The following ZMYND11 variants were observed in gnomAD, a reference collection of about 807,000 sequenced individuals.
ZMYND11 encodes the protein zinc finger MYND domain-containing protein 11.
Under a neutral mutation model 84.9 loss-of-function variants are expected in ZMYND11, and 9 were observed. The observed-to-expected ratio is 0.11, with a 90% CI of 0.06 to 0.18. The LOEUF is 0.18. ZMYND11 is among the 10% of genes least tolerant of loss of function. The probability of loss-of-function intolerance (pLI) is 1.00; values close to 1 mark genes in which losing one functional copy is unlikely to be tolerated. For missense variants in ZMYND11, 409 were observed against 761.0 expected (o/e 0.54, Z 5.44); for synonymous variants, 250 against 244.1 (o/e 1.02, Z -0.23).
chr10:175,632 G>T (rs1180055712), intron 1 of ZMYND11, among the ~76,000 whole-genome samples: 1 of 152,142 alleles, frequency 6.6e-6, no homozygotes, highest in East Asian at 1.9e-4. Context: ...TGATTTGAGT[G>T]TAGAAGGACT....
chr10:164,016 A>G (rs1404186423), intron 1 of ZMYND11, among the ~76,000 whole-genome samples: 1 of 152,160 alleles, frequency 6.6e-6, no homozygotes, highest in African/African-American at 2.4e-5. Flanking sequence ...TGGAAAGGGA[A>G]TGCCAACTAT....
At chr10:246,287 A>G (rs903565743) in intron 10 of ZMYND11, among the ~76,000 whole-genome samples, 12 of 152,210 alleles carry the variant, frequency 7.9e-5, no homozygotes, top group Non-Finnish European at 1.6e-4. Context: ...TTATATGAAT[A>G]TATGTATGTA....
At chr10:234,016 A>C (rs1257123726) in intron 4 of ZMYND11, among the ~76,000 whole-genome samples, 3 of 152,244 alleles carry the variant, frequency 2.0e-5, no homozygotes, top group Non-Finnish European at 2.9e-5. Flanking sequence ...AAACTGGGTA[A>C]TTACATGAAC....
chr10:189,595 CAGA>C (rs918432478), intron 2 of ZMYND11, among the ~76,000 whole-genome samples: 14 of 152,128 alleles, frequency 9.2e-5, no homozygotes, highest in East Asian at 1.9e-4. Context: ...AATGGCCTTA[CAGA>C]AGAAGTAACT....
chr10:215,557 TTTTG>T (rs1474719342), intron 3 of ZMYND11, among the ~76,000 whole-genome samples: 1 of 151,702 alleles, frequency 6.6e-6, no homozygotes, highest in East Asian at 1.9e-4. Flanking sequence ...CATCTTTGTT[TTTTG>T]TTTTTTTTTT....
intron 1 of ZMYND11, among the ~76,000 whole-genome samples, chr10:159,596 G>A (rs1394285571): frequency 6.6e-6 from 1 of 151,886 alleles, no homozygotes; most frequent in Admixed American, 6.6e-5. Context: ...GGATTTTGGG[G>A]CGTATTCTGA....
At chr10:156,834 C>T (rs1476480970) in intron 1 of ZMYND11, among the ~76,000 whole-genome samples, 12 of 152,100 alleles carry the variant, frequency 7.9e-5, no homozygotes, top group Non-Finnish European at 2.9e-5. Context: ...AAAAGAGCTA[C>T]GTTAAAAATA....
At chr10:150,455 G>A (rs1334534841) in intron 1 of ZMYND11, among the ~76,000 whole-genome samples, 5 of 152,202 alleles carry the variant, frequency 3.3e-5, no homozygotes, top group Non-Finnish European at 7.3e-5. Context: ...GATCAGTGGT[G>A]ATATCCCCTT....
At chr10:205,133 C>T (rs543137333) in intron 2 of ZMYND11, among the ~76,000 whole-genome samples, 4 of 152,150 alleles carry the variant, frequency 2.6e-5, no homozygotes, top group African/African-American at 7.2e-5. Flanking sequence ...GGAAGCTCTT[C>T]GCAAACTTCT....
chr10:171,805 A>G (rs1361851481), intron 1 of ZMYND11, among the ~76,000 whole-genome samples: 2 of 152,190 alleles, frequency 1.3e-5, no homozygotes, highest in African/African-American at 2.4e-5. Context: ...AAGCTTTTCC[A>G]TTAAGATCAG....
chr10:215,359 A>C (rs1946001310), intron 3 of ZMYND11, among the ~76,000 whole-genome samples: 1 of 152,134 alleles, frequency 6.6e-6, no homozygotes, highest in East Asian at 1.9e-4. Flanking sequence ...CCCTTTACTT[A>C]CCTACCAGGT....
intron 1 of ZMYND11, among the ~76,000 whole-genome samples, chr10:156,717 C>T (rs868960470): frequency 2.0e-5 from 3 of 152,162 alleles, no homozygotes; most frequent in African/African-American, 7.2e-5. Flanking sequence ...ATTATATTCA[C>T]TTGAGAAGTA....
chr10:154,671 G>T (rs189470456), intron 1 of ZMYND11, among the ~76,000 whole-genome samples: 3 of 152,094 alleles, frequency 2.0e-5, no homozygotes, highest in Non-Finnish European at 4.4e-5. Context: ...AATGAGAATC[G>T]ATGTAGGTAA....
intron 3 of ZMYND11, chr10:218,642 T>G (rs1439220323): frequency 5.9e-6 from 1 of 170,090 alleles, no homozygotes; most frequent in Non-Finnish European, 1.3e-5. Context: ...TGGCTTCTAA[T>G]TTTGAATTTC....
intron 14 of ZMYND11, among the ~76,000 whole-genome samples, chr10:250,020 A>C (rs774903393): frequency 5.9e-5 from 9 of 152,212 alleles, no homozygotes; most frequent in Non-Finnish European, 1.2e-4. Context: ...TTAAAAAAAC[A>C]ACCTGCACAT....
chr10:168,589 G>T (rs1844556532), intron 1 of ZMYND11, among the ~76,000 whole-genome samples: 1 of 152,148 alleles, frequency 6.6e-6, no homozygotes, highest in Non-Finnish European at 1.5e-5. Context: ...TTCAAAAAGT[G>T]ATTCCATGGT....
At position 145,724 on chromosome 10, in the gene ZMYND11, G is replaced by T. The variant is rs199620759; in HGVS notation, c.-20+10165G>T. On this transcript the variant is annotated intron_variant, in intron 1 of 14. Transcript: ENST00000381604. ...TGAGAAGTGTCTATTCATGTCATTT[G>T]TCCGCTTTTTGATGGGATTTTTTTT... Among the ~76,000 whole-genome samples, 3 of 152,006 alleles carry T rather than the reference G, an allele frequency of 2.0e-5. No individual in the cohort carries two copies. The East Asian group carries it at 5.8e-4, about 29-fold the overall frequency.
chr10:136,777 A>G (rs1429405426), intron 1 of ZMYND11, among the ~76,000 whole-genome samples: 1 of 152,056 alleles, frequency 6.6e-6, no homozygotes, highest in East Asian at 1.9e-4. Context: ...GGGGTCATAT[A>G]TGGTGTGTAC....
At chr10:156,974 G>A (rs1841863590) in intron 1 of ZMYND11, among the ~76,000 whole-genome samples, 1 of 152,094 alleles carries the variant, frequency 6.6e-6, no homozygotes, top group South Asian at 2.1e-4. Context: ...CAGACAAGAG[G>A]GTATTAGAAA....
Sources: gnomAD v4.1 joint callset for allele counts (sites outside exome capture counted in the v4.1 genomes callset) on GRCh38, gnomAD v4.1.1 for gene constraint, MANE v1.5 for transcripts, NCBI Gene and HGNC (gene_info 2026-07-23, HGNC 2026-07-21) for gene names.